DLGAP1: variants seen among roughly 807,000 people sequenced by gnomAD.
The protein encoded by DLGAP1 is disks large-associated protein 1.
In DLGAP1, 11 loss-of-function variants were observed where a neutral mutation model predicts 90.8. The observed-to-expected ratio is 0.12, with a 90% confidence interval of 0.08 to 0.20. DLGAP1 has a LOEUF of 0.20. Ranked by LOEUF, DLGAP1 falls within the 10% of genes least tolerant of loss-of-function variation. The probability of loss-of-function intolerance (pLI) is 1.00; values close to 1 mark genes in which losing one functional copy is unlikely to be tolerated. For synonymous variants in DLGAP1, 558 were observed against 540.7 expected (o/e 1.03, Z -0.44); for missense variants, 1,050 against 1,333.8 (o/e 0.79, Z 3.31).
At chr18:3,669,348 G>T (rs559841861) in intron 7 of DLGAP1, among the ~76,000 whole-genome samples, 2 of 152,134 alleles carry the variant, frequency 1.3e-5, no homozygotes, top group Non-Finnish European at 2.9e-5. Context: ...ACGGACCTAG[G>T]CGAGGACAGG....
At chr18:3,578,581 T>C (rs543349119) in intron 8 of DLGAP1, among the ~76,000 whole-genome samples, 1 of 152,164 alleles carries the variant, frequency 6.6e-6, no homozygotes, top group East Asian at 1.9e-4. Context: ...GGTGTCGATC[T>C]CTTGACCTCG....
At chr18:4,175,818 T>C (rs1378293031) in intron 1 of DLGAP1, among the ~76,000 whole-genome samples, 2 of 152,354 alleles carry the variant, frequency 1.3e-5, no homozygotes, top group Non-Finnish European at 1.5e-5. Context: ...CGTGCTGTTT[T>C]GGTTACTGTA....
intron 2 of DLGAP1, among the ~76,000 whole-genome samples, chr18:4,143,373 G>C (rs1330270092): frequency 1.3e-5 from 2 of 151,596 alleles, no homozygotes; most frequent in African/African-American, 4.8e-5. Flanking sequence ...ACAAGCAGAA[G>C]AACCTCTCTC....
intron 1 of DLGAP1, among the ~76,000 whole-genome samples, chr18:4,395,162 C>T (rs2082413659): frequency 6.6e-6 from 1 of 152,198 alleles, no homozygotes; most frequent in Non-Finnish European, 1.5e-5. Context: ...AAAGAAATAG[C>T]ACATTGCATT....
chr18:4,442,812 G>C (rs769400056), intron 1 of DLGAP1, among the ~76,000 whole-genome samples: 2 of 152,096 alleles, frequency 1.3e-5, no homozygotes, highest in African/African-American at 4.8e-5. Flanking sequence ...TAAAAGAAAC[G>C]CATTATGTTT....
intron 2 of DLGAP1, among the ~76,000 whole-genome samples, chr18:4,047,960 G>A (rs138915843): frequency 8.6e-5 from 13 of 152,046 alleles, no homozygotes; most frequent in South Asian, 2.1e-4. Flanking sequence ...CATGCCCAGC[G>A]AAGTTTTTCT....
intron 8 of DLGAP1, among the ~76,000 whole-genome samples, chr18:3,578,419 C>A (rs578087068): frequency 1.3e-5 from 2 of 150,238 alleles, no homozygotes; most frequent in Non-Finnish European, 3.0e-5. Flanking sequence ...TGCAGTGGTA[C>A]AACCTTGGCT....
chr18:3,834,048 T>C (rs896072823), intron 4 of DLGAP1, among the ~76,000 whole-genome samples: 1 of 152,172 alleles, frequency 6.6e-6, no homozygotes, highest in African/African-American at 2.4e-5. Flanking sequence ...GGTTCACACC[T>C]GTGATCCCAG....
chr18:3,652,641 C>A (rs2059354864), intron 7 of DLGAP1, among the ~76,000 whole-genome samples: 1 of 152,180 alleles, frequency 6.6e-6, no homozygotes, highest in African/African-American at 2.4e-5. Flanking sequence ...CCGCACCCAG[C>A]CCTCATTTAT....
chr18:3,996,426 G>A (rs2074071695), intron 3 of DLGAP1, among the ~76,000 whole-genome samples: 1 of 151,718 alleles, frequency 6.6e-6, no homozygotes, highest in East Asian at 1.9e-4. Context: ...TAACAACTTA[G>A]GTATCTGAAT....
At chr18:4,172,422 A>T (rs1273336508) in intron 1 of DLGAP1, among the ~76,000 whole-genome samples, 2 of 152,200 alleles carry the variant, frequency 1.3e-5, no homozygotes, top group African/African-American at 4.8e-5. Flanking sequence ...TTCTAAATAT[A>T]TCACCATTTA....
At chr18:4,299,201 T>C (rs759342743) in intron 1 of DLGAP1, among the ~76,000 whole-genome samples, 3 of 152,062 alleles carry the variant, frequency 2.0e-5, no homozygotes, top group Non-Finnish European at 2.9e-5. Flanking sequence ...AAGCCATTCA[T>C]GTAATTCCAG....
At chr18:3,917,603 T>C (rs1032595211) in intron 3 of DLGAP1, among the ~76,000 whole-genome samples, 1 of 152,238 alleles carries the variant, frequency 6.6e-6, no homozygotes, top group African/African-American at 2.4e-5. Flanking sequence ...AGGCATGTAC[T>C]GAGTAAACAC....
intron 2 of DLGAP1, among the ~76,000 whole-genome samples, chr18:4,027,194 C>T (rs1055336545): frequency 4.6e-5 from 7 of 151,976 alleles, no homozygotes; most frequent in Non-Finnish European, 2.9e-5. Flanking sequence ...CTCTGAGGCT[C>T]GCTTCCCCAT....
At chr18:3,813,492 T>C (rs981622548) in intron 5 of DLGAP1, among the ~76,000 whole-genome samples, 2 of 152,200 alleles carry the variant, frequency 1.3e-5, no homozygotes, top group African/African-American at 4.8e-5. Flanking sequence ...ACTATATTTA[T>C]ATTTGCAAAA....
At chr18:4,443,487 T>C (rs1264333712) in intron 1 of DLGAP1, among the ~76,000 whole-genome samples, 1 of 152,162 alleles carries the variant, frequency 6.6e-6, no homozygotes. Flanking sequence ...AAATATAGGG[T>C]CCTAAACATG....
At chr18:3,688,579 C>T (rs1798781210) in intron 7 of DLGAP1, among the ~76,000 whole-genome samples, 1 of 149,544 alleles carries the variant, frequency 6.7e-6, no homozygotes, top group Non-Finnish European at 1.5e-5. Context: ...GCTTTTTTCC[C>T]ATCAGTTTAA....
At chr18:3,527,168 T>C (rs1442796897) in intron 10 of DLGAP1, among the ~76,000 whole-genome samples, 4 of 152,224 alleles carry the variant, frequency 2.6e-5, no homozygotes, top group Non-Finnish European at 5.9e-5. Context: ...GGTCTGCCTT[T>C]TGTTACCCAC....
rs1441316922 is a variant in DLGAP1 at position 3,598,610 on chromosome 18, G to A, written c.1592-16362C>T. 4.0e-5 allele frequency among the ~76,000 whole-genome samples: 6 copies of A among 151,536 alleles called. No individual in the cohort carries two copies. In the South Asian group the frequency reaches 1.0e-3, roughly 26 times the overall value. Reference sequence around the variant, plus strand: ...AGCCTCCCTAGTAGCTGGGATTACAGGTGCATGCCACCCCGCCCAGCTAAT... The same window carrying A: ...AGCCTCCCTAGTAGCTGGGATTACAAGTGCATGCCACCCCGCCCAGCTAAT... On this transcript the variant is annotated intron_variant, in intron 7 of 12. Transcript: ENST00000315677.
Sources: allele counts gnomAD v4.1 joint callset (sites outside exome capture counted in the v4.1 genomes callset), GRCh38; gene constraint gnomAD v4.1.1; transcripts MANE v1.5; gene names NCBI Gene and HGNC (gene_info 2026-07-23, HGNC 2026-07-21).